CA10: variants seen among roughly 807,000 people sequenced by gnomAD.
CA10 encodes the protein carbonic anhydrase-related protein 10.
CA10 carries 14 observed loss-of-function variants against 44.2 expected under a neutral mutation model. The ratio of observed to expected loss-of-function variants is 0.32; its 90% confidence interval spans 0.21 to 0.50. The LOEUF (loss-of-function observed/expected upper bound fraction) is 0.50, where lower values mean the gene tolerates loss of function less well. CA10 is among the 20% of genes least tolerant of loss of function. The pLI, the probability that CA10 is intolerant of heterozygous loss-of-function variation, is 0.99. For missense variants in CA10, 350 were observed against 409.7 expected, an observed-to-expected ratio of 0.85 and a Z score of 1.26; for synonymous variants, 159 against 141.6, an observed-to-expected ratio of 1.12 and a Z score of -0.87.
At chr17:51,789,777 A>AT (rs1163095283) in intron 3 of CA10, among the ~76,000 whole-genome samples, 1 of 152,030 alleles carries the variant, frequency 6.6e-6, no homozygotes, top group Non-Finnish European at 1.5e-5. Flanking sequence ...CTCATTTTCC[A>AT]TTTTCCATGC....
intron 3 of CA10, among the ~76,000 whole-genome samples, chr17:51,921,422 G>A (rs1982227292): frequency 6.6e-6 from 1 of 152,184 alleles, no homozygotes; most frequent in South Asian, 2.1e-4. Flanking sequence ...GTCTGAGCCT[G>A]CACAGAAAAG....
intron 4 of CA10, among the ~76,000 whole-genome samples, chr17:51,707,575 CA>C (rs1298044888): frequency 6.6e-6 from 1 of 151,692 alleles, no homozygotes; most frequent in African/African-American, 2.4e-5. Flanking sequence ...ATCCACTTAC[CA>C]GGGGAGGAAA....
chr17:51,918,501 C>T (rs1156848217), intron 3 of CA10, among the ~76,000 whole-genome samples: 1 of 152,014 alleles, frequency 6.6e-6, no homozygotes, highest in East Asian at 1.9e-4. Flanking sequence ...ACATTTTCAC[C>T]CACTGGTAAA....
intron 3 of CA10, among the ~76,000 whole-genome samples, chr17:51,871,428 C>T (rs545904274): frequency 3.5e-5 from 4 of 114,096 alleles, no homozygotes; most frequent in East Asian, 2.7e-4. Flanking sequence ...TTAGTAGAGA[C>T]GGGGCTTCAC....
intron 3 of CA10, among the ~76,000 whole-genome samples, chr17:51,871,157 C>G (rs1311748189): frequency 7.1e-6 from 1 of 141,108 alleles, no homozygotes; most frequent in Non-Finnish European, 1.5e-5. Flanking sequence ...TTCCTGGGTT[C>G]AAGCAATTCT....
intron 3 of CA10, among the ~76,000 whole-genome samples, chr17:51,852,663 G>GA (rs1978847585): frequency 6.6e-6 from 1 of 152,132 alleles, no homozygotes; most frequent in African/African-American, 2.4e-5. Context: ...GTAAATTCTA[G>GA]GTCTGCCTCT....
intron 3 of CA10, among the ~76,000 whole-genome samples, chr17:51,882,827 C>A (rs189646089): frequency 6.6e-6 from 1 of 152,166 alleles, no homozygotes; most frequent in Admixed American, 6.5e-5. Context: ...ACAAAGAGGT[C>A]CAGGAAGGTT....
In CA10 at chr17:51,829,346, T is replaced by C. The variant is rs564282722; in HGVS notation, c.280-81528A>G. 2.0e-5 allele frequency among the ~76,000 whole-genome samples: 3 copies of C among 152,312 alleles called. No homozygotes were observed. In the East Asian group the frequency reaches 5.8e-4, roughly 29 times the overall value. On this transcript the variant is annotated intron_variant, in intron 3 of 8. Coordinates refer to ENST00000451037, the MANE Select transcript of CA10 (RefSeq NM_020178.5). ...TAGCTTTGGTGGCTGTAAAGATTCA[T>C]TATACGTATGGATTGTCCAAGCTGT...
intron 2 of CA10, among the ~76,000 whole-genome samples, chr17:52,061,181 A>T (rs994605685): frequency 6.6e-6 from 1 of 152,190 alleles, no homozygotes; most frequent in Non-Finnish European, 1.5e-5. Context: ...CGATGGGGAG[A>T]TCATCCTAGA....
intron 4 of CA10, among the ~76,000 whole-genome samples, chr17:51,684,113 A>G (rs1426656841): frequency 2.0e-5 from 3 of 152,222 alleles, no homozygotes; most frequent in Admixed American, 6.5e-5. Context: ...ACATAATCAC[A>G]AGGATCCTTC....
intron 4 of CA10, among the ~76,000 whole-genome samples, chr17:51,670,591 T>C (rs1181263401): frequency 6.6e-6 from 1 of 152,158 alleles, no homozygotes; most frequent in Non-Finnish European, 1.5e-5. Context: ...CAGTGATCCC[T>C]GAGCTCCATT....
At position 51,857,944 on chromosome 17, in the gene CA10, A is replaced by C. The variant is rs919711896; in HGVS notation, c.279+73046T>G. 5.3e-5 allele frequency among the ~76,000 whole-genome samples: 8 copies of C among 152,170 alleles called. No individual in the cohort carries two copies. The East Asian group carries it at 1.3e-3, about 26-fold the overall frequency. ...AATTCAGGGGTTTCTCCTTAGCCTC[A>C]GTTGTTCAATCTTCAGAGGCCCACT... is the stretch of plus-strand genomic sequence containing the variant. On this transcript the variant is annotated intron_variant, in intron 3 of 8. Coordinates refer to ENST00000451037, the MANE Select transcript of CA10 (RefSeq NM_020178.5).
chr17:51,643,045 T>C (rs1567785999), intron 6 of CA10, among the ~76,000 whole-genome samples: 1 of 152,230 alleles, frequency 6.6e-6, no homozygotes, highest in Non-Finnish European at 1.5e-5. Context: ...ACCAAAATAA[T>C]ACTGTCCTAA....
At chr17:51,963,741 C>T (rs203024) in intron 2 of CA10, among the ~76,000 whole-genome samples, 12 of 152,210 alleles carry the variant, frequency 7.9e-5, no homozygotes, top group African/African-American at 2.6e-4. Flanking sequence ...CTATTAGAAC[C>T]GGCTTACAAG....
At chr17:51,678,464 C>T (rs7217040) in intron 4 of CA10, among the ~76,000 whole-genome samples, 72,650 of 152,022 alleles carry the variant, frequency 0.48, 18,870 homozygotes, top group East Asian at 0.67. Flanking sequence ...AAAGCAAAGC[C>T]GTTTAAAAAA....
intron 1 of CA10, among the ~76,000 whole-genome samples, chr17:52,105,816 C>A (rs1378054001): frequency 1.3e-5 from 2 of 152,150 alleles, no homozygotes; most frequent in Non-Finnish European, 2.9e-5. Context: ...CATCTCCAGG[C>A]CTGTGACTTT....
chr17:52,017,939 G>A (rs73989021), intron 2 of CA10, among the ~76,000 whole-genome samples: 17,991 of 152,172 alleles, frequency 0.12, 1,136 homozygotes, highest in South Asian at 0.23. Flanking sequence ...TCCTGGCTGC[G>A]GCTCAAGGCA....
At chr17:51,769,702 A>G (rs985263052) in intron 3 of CA10, among the ~76,000 whole-genome samples, 1 of 152,138 alleles carries the variant, frequency 6.6e-6, no homozygotes, top group African/African-American at 2.4e-5. Flanking sequence ...AAGTGTATTC[A>G]ATATAGCTAG....
chr17:52,096,825 A>G (rs982936479), intron 1 of CA10, among the ~76,000 whole-genome samples: 3 of 152,190 alleles, frequency 2.0e-5, no homozygotes, highest in African/African-American at 7.2e-5. Context: ...TTCACATAAT[A>G]TGCTATGAGG....
Sources: gnomAD v4.1 joint callset for allele counts (sites outside exome capture counted in the v4.1 genomes callset) on GRCh38, gnomAD v4.1.1 for gene constraint, MANE v1.5 for transcripts, NCBI Gene and HGNC (gene_info 2026-07-23, HGNC 2026-07-21) for gene names.